The following CYP4F12 variants were observed in gnomAD, a reference collection of about 807,000 sequenced individuals.
The protein encoded by CYP4F12 is cytochrome P450 family 4 subfamily F member 12.
A neutral mutation model predicts 56.5 loss-of-function variants in CYP4F12; 60 were observed. The ratio of observed to expected loss-of-function variants is 1.06; its 90% CI spans 0.86 to 1.32. The LOEUF (loss-of-function observed/expected upper bound fraction) is 1.32, where lower values mean the gene tolerates loss of function less well. CYP4F12 is among the 40% of genes most tolerant of loss of function. The pLI is 0.00. For missense variants in CYP4F12, 711 were observed against 683.5 expected (o/e 1.04, Z -0.45); for synonymous variants, 263 against 264.9 (o/e 0.99, Z 0.07).
At chr19:15,684,416 G>T (rs539134208) in intron 7 of CYP4F12, 1 of 177,922 alleles carries the variant, frequency 5.6e-6, no homozygotes, top group East Asian at 1.6e-4. Context: ...GATTCTCTGG[G>T]TTTACCACTC....
rs776859657 is a variant in CYP4F12 at position 15,682,513 on chromosome 19, G to T, written c.647+3G>T. The T allele has an allele frequency of 6.8e-6, 11 of 1,613,024 alleles. No homozygotes were observed. The highest frequency in any genetic ancestry group is 7.6e-6 in the Non-Finnish European group (9 of 1,179,372). The stretch of plus-strand genomic sequence containing the variant: ...AGCTTTGACAGCCATTGTCAGGAGT[G>T]AGTTCCTTCCTAGGGCCTGGGATAT... On this transcript the variant is annotated splice_donor_region_variant and intron_variant, in intron 6 of 12. Coordinates refer to ENST00000550308, the MANE Select transcript of CYP4F12 (RefSeq NM_023944.4).
intron 3 of CYP4F12, among the ~76,000 whole-genome samples, chr19:15,679,395 G>A (rs1006738664): frequency 2.0e-4 from 31 of 152,256 alleles, no homozygotes; most frequent in African/African-American, 4.8e-5. Flanking sequence ...TAAGGCAGCC[G>A]TTCTCTTATC....
intron 9 of CYP4F12, among the ~76,000 whole-genome samples, chr19:15,692,986 T>G (rs2428617): frequency 0.28 from 42,929 of 151,754 alleles, 6,572 homozygotes; most frequent in African/African-American, 0.4. Context: ...GCTGAGGCAG[T>G]AGAATCACTT....
At chr19:15,684,161 G>A (rs1471384042) in intron 7 of CYP4F12, 1 of 159,844 alleles carries the variant, frequency 6.3e-6, no homozygotes, top group Non-Finnish European at 1.4e-5. Flanking sequence ...CATTCCTAGG[G>A]CAACACAATG....
At chr19:15,689,127 AAATAAT>A (rs796158245) in intron 9 of CYP4F12, among the ~76,000 whole-genome samples, 1 of 89,242 alleles carries the variant, frequency 1.1e-5, no homozygotes, top group Non-Finnish European at 2.4e-5. Context: ...CTGCACAACA[AAATAAT>A]AATAATAATA....
At chr19:15,691,861 C>G (rs567991618) in intron 9 of CYP4F12, among the ~76,000 whole-genome samples, 4 of 152,256 alleles carry the variant, frequency 2.6e-5, no homozygotes, top group African/African-American at 9.6e-5. Flanking sequence ...TGGGAAGTTT[C>G]CACTTATTCA....
chr19:15,674,859 T>C (rs1156683558), intron 2 of CYP4F12, among the ~76,000 whole-genome samples: 1 of 152,200 alleles, frequency 6.6e-6, no homozygotes, highest in Admixed American at 6.5e-5. Flanking sequence ...GGCTCCTGTA[T>C]GGTTGTGGGG....
intron 9 of CYP4F12, among the ~76,000 whole-genome samples, chr19:15,689,254 G>GA (rs965609337): frequency 4.8e-5 from 7 of 147,368 alleles, no homozygotes; most frequent in Admixed American, 1.4e-4. Context: ...ACTCAGCAAG[G>GA]AAAAAAAACA....
intron 9 of CYP4F12, among the ~76,000 whole-genome samples, chr19:15,695,509 A>AAC (rs1555754099): frequency 1.3e-5 from 2 of 150,280 alleles, no homozygotes; most frequent in African/African-American, 4.9e-5. Flanking sequence ...ATAATAAAAA[A>AAC]AAAAAAACAA....
chr19:15,695,638 A>G (rs1005733757), intron 9 of CYP4F12, among the ~76,000 whole-genome samples: 4 of 151,992 alleles, frequency 2.6e-5, no homozygotes, highest in African/African-American at 9.7e-5. Flanking sequence ...TTTGCATTTG[A>G]GTTTGCTTTC....
intron 9 of CYP4F12, among the ~76,000 whole-genome samples, chr19:15,694,155 T>C (rs180785738): frequency 6.6e-6 from 1 of 151,568 alleles, no homozygotes; most frequent in Admixed American, 6.6e-5. Context: ...TGGCTTAGGA[T>C]TGACTTGGCG....
chr19:15,684,652 G>A, intron 7 of CYP4F12, 164 bp from the exon 8 acceptor site: 1 of 663,680 alleles, frequency 1.5e-6, no homozygotes, highest in Non-Finnish European at 2.5e-6. Context: ...TGGTGATGGT[G>A]AACAAGAGAG....
At chr19:15,685,897 T>A (rs2007578788) in intron 9 of CYP4F12, among the ~76,000 whole-genome samples, 1 of 152,240 alleles carries the variant, frequency 6.6e-6, no homozygotes, top group Admixed American at 6.5e-5. Flanking sequence ...GTAAAAGTCA[T>A]CTATCTTTTG....
At chr19:15,679,041 C>A (rs547559478) in intron 3 of CYP4F12, among the ~76,000 whole-genome samples, 14 of 152,292 alleles carry the variant, frequency 9.2e-5, no homozygotes, top group Middle Eastern at 3.4e-3. Context: ...AATAGGAGAA[C>A]CCACACCAGC....
intron 5 of CYP4F12, 189 bp downstream of exon 5, chr19:15,680,708 T>C (rs1375908609): frequency 1.4e-6 from 1 of 735,784 alleles, no homozygotes; most frequent in African/African-American, 1.7e-5. Flanking sequence ...TGGCACACAG[T>C]AGGTTCTCAG....
intron 6 of CYP4F12, among the ~76,000 whole-genome samples, chr19:15,682,983 C>T (rs148351127): frequency 0.017 from 2,571 of 151,892 alleles, 2 homozygotes; most frequent in African/African-American, 0.06. Flanking sequence ...GTGATGTGCC[C>T]TCTTTGGCCT....
chr19:15,679,455 A>C (rs10401418), intron 3 of CYP4F12, among the ~76,000 whole-genome samples: 1 of 152,116 alleles, frequency 6.6e-6, no homozygotes, highest in East Asian at 1.9e-4. Flanking sequence ...AGCTCACCTT[A>C]CCCCCAGGGG....
chr19:15,682,934 A>G (rs894813611), intron 6 of CYP4F12, among the ~76,000 whole-genome samples: 2 of 152,168 alleles, frequency 1.3e-5, no homozygotes, highest in African/African-American at 4.8e-5. Context: ...GAGGGGGTTC[A>G]CCATGTTGTC....
rs1015331862 is a variant in CYP4F12, at chr19:15,695,501, AAT to A, written c.1116-433_1116-432del. On this transcript the variant is annotated intron_variant, in intron 9 of 12. Coordinates refer to ENST00000550308, the MANE Select transcript of CYP4F12 (RefSeq NM_023944.4). Reference sequence around the variant, plus strand: ...ACATGTACCCTAAAAGTATAATAATAATAAAAAAAAAAAAACAAATTGCATGA... The same window carrying A: ...ACATGTACCCTAAAAGTATAATAATAAAAAAAAAAAAAACAAATTGCATGA... Among the ~76,000 whole-genome samples, 155 of 88,908 alleles carry A rather than the reference AAT, an allele frequency of 1.7e-3. 2 individuals are homozygous for A. The highest frequency in any genetic ancestry group is 9.1e-3 in the African/African-American group (149 of 16,338). 58.3% of individuals were successfully genotyped at this position (88,908 alleles called of 152,430 possible).
Sources: allele counts gnomAD v4.1 joint callset (sites outside exome capture counted in the v4.1 genomes callset), GRCh38; gene constraint gnomAD v4.1.1; transcripts MANE v1.5; gene names NCBI Gene and HGNC (gene_info 2026-07-23, HGNC 2026-07-21).